PDZRN4: variants seen among roughly 807,000 people sequenced by gnomAD.
PDZRN4 encodes the protein PDZ domain containing ring finger 4.
Under a neutral mutation model 99.0 loss-of-function variants are expected in PDZRN4, and 70 were observed. That is an observed-to-expected ratio of 0.71 (90% CI 0.58 to 0.86). The LOEUF is 0.86. Ranked by LOEUF, PDZRN4 falls within the 40% of genes least tolerant of loss-of-function variation. The probability of loss-of-function intolerance (pLI) is 0.00; values close to 1 mark genes in which losing one functional copy is unlikely to be tolerated. For synonymous variants in PDZRN4, 551 were observed against 501.6 expected, an observed-to-expected ratio of 1.10 and a Z score of -1.32; for missense variants, 1,474 against 1,331.2, an observed-to-expected ratio of 1.11 and a Z score of -1.67.
At chr12:41,397,862 T>C (rs1249647516) in intron 3 of PDZRN4, among the ~76,000 whole-genome samples, 1 of 152,100 alleles carries the variant, frequency 6.6e-6, no homozygotes, top group Admixed American at 6.6e-5. Context: ...TGTTATCCTA[T>C]CCTTTGAGGC....
intron 3 of PDZRN4, among the ~76,000 whole-genome samples, chr12:41,358,682 A>T (rs11180849): frequency 6.6e-6 from 1 of 152,094 alleles, no homozygotes; most frequent in Middle Eastern, 3.4e-3. Flanking sequence ...AAACTTGAAT[A>T]TATTTAACAA....
At chr12:41,300,431 A>T (rs1450926285) in intron 3 of PDZRN4, among the ~76,000 whole-genome samples, 1 of 152,018 alleles carries the variant, frequency 6.6e-6, no homozygotes, top group East Asian at 1.9e-4. Context: ...ACTCTTAATT[A>T]TATTTTGAGA....
chr12:41,464,089 C>T (rs1952900140), intron 3 of PDZRN4, among the ~76,000 whole-genome samples: 1 of 152,138 alleles, frequency 6.6e-6, no homozygotes, highest in African/African-American at 2.4e-5. Flanking sequence ...AATTCAGTTA[C>T]CTCCAGAAGT....
At chr12:41,464,806 T>C (rs920754696) in intron 3 of PDZRN4, among the ~76,000 whole-genome samples, 7 of 150,526 alleles carry the variant, frequency 4.7e-5, no homozygotes, top group Admixed American at 2.0e-4. Flanking sequence ...ATAAATGTTA[T>C]AGTGCCTGTT....
At chr12:41,351,690 A>G (rs1008438565) in intron 3 of PDZRN4, among the ~76,000 whole-genome samples, 3 of 152,048 alleles carry the variant, frequency 2.0e-5, no homozygotes, top group African/African-American at 7.2e-5. Context: ...GTCACCTCCC[A>G]CAAGGCCCCT....
At chr12:41,215,180 A>C (rs564053337) in intron 3 of PDZRN4, among the ~76,000 whole-genome samples, 1 of 152,142 alleles carries the variant, frequency 6.6e-6, no homozygotes, top group African/African-American at 2.4e-5. Flanking sequence ...TTAGGGATGC[A>C]TTTGTTTAAG....
Position 41,194,906 on chromosome 12 carries a change from T to C in PDZRN4, c.843+718T>C, listed in dbSNP as rs149170843. Among the ~76,000 whole-genome samples the C allele has an allele frequency of 8.5e-5, 13 of 152,340 alleles. 1 individual carries two copies. In the East Asian group the frequency reaches 1.9e-3, roughly 23 times the overall value. ...TATTTTAAATTTGTAATTAATATTT[T>C]ATATGTAGAGTTTGGAATAAATTAT... On this transcript the variant is annotated intron_variant, in intron 3 of 9. Coordinates refer to ENST00000402685, the MANE Select transcript of PDZRN4 (RefSeq NM_001164595.2).
At chr12:41,420,424 C>G (rs747170200) in intron 3 of PDZRN4, among the ~76,000 whole-genome samples, 1 of 152,094 alleles carries the variant, frequency 6.6e-6, no homozygotes, top group Non-Finnish European at 1.5e-5. Flanking sequence ...TTACAAACTT[C>G]TTGAAAGACT....
chr12:41,546,154 G>A (rs926380092), intron 5 of PDZRN4, among the ~76,000 whole-genome samples: 4 of 152,190 alleles, frequency 2.6e-5, no homozygotes, highest in South Asian at 2.1e-4. Context: ...CACTATGGTC[G>A]TCATGGTGTG....
chr12:41,424,724 G>GTGGGT (rs1952520893), intron 3 of PDZRN4, among the ~76,000 whole-genome samples: 2 of 152,182 alleles, frequency 1.3e-5, no homozygotes, highest in African/African-American at 2.4e-5. Flanking sequence ...TTATGTGCAA[G>GTGGGT]TCAGGAAGCT....
At chr12:41,317,416 AGGAT>A (rs1225156955) in intron 3 of PDZRN4, among the ~76,000 whole-genome samples, 1 of 152,034 alleles carries the variant, frequency 6.6e-6, no homozygotes, top group African/African-American at 2.4e-5. Flanking sequence ...GTCCACCCAC[AGGAT>A]GGAGAATAAT....
At chr12:41,296,771 G>A (rs971772903) in intron 3 of PDZRN4, among the ~76,000 whole-genome samples, 1 of 152,064 alleles carries the variant, frequency 6.6e-6, no homozygotes, top group Non-Finnish European at 1.5e-5. Flanking sequence ...ACCAGCCTGG[G>A]CAACATGGCA....
At chr12:41,521,629 A>G (rs1938494649) in intron 5 of PDZRN4, among the ~76,000 whole-genome samples, 1 of 152,136 alleles carries the variant, frequency 6.6e-6, no homozygotes, top group Admixed American at 6.5e-5. Flanking sequence ...GACAGAGGAA[A>G]CTGAAGCCTG....
At chr12:41,275,420 C>A (rs1163503147) in intron 3 of PDZRN4, among the ~76,000 whole-genome samples, 1 of 152,084 alleles carries the variant, frequency 6.6e-6, no homozygotes, top group African/African-American at 2.4e-5. Context: ...GCCAAAAATT[C>A]AATCTTTCAG....
chr12:41,457,447 T>C (rs1274722322), intron 3 of PDZRN4, among the ~76,000 whole-genome samples: 6 of 152,238 alleles, frequency 3.9e-5, no homozygotes, highest in South Asian at 2.1e-4. Context: ...GACGATTTTC[T>C]TTTAGATTTT....
At chr12:41,387,962 T>C (rs1250806513) in intron 3 of PDZRN4, among the ~76,000 whole-genome samples, 3 of 152,108 alleles carry the variant, frequency 2.0e-5, no homozygotes, top group East Asian at 1.9e-4. Flanking sequence ...CTCTATTATA[T>C]AGATGCATGC....
At chr12:41,554,722 T>C (rs1301502054) in intron 6 of PDZRN4, among the ~76,000 whole-genome samples, 1 of 152,148 alleles carries the variant, frequency 6.6e-6, no homozygotes, top group Non-Finnish European at 1.5e-5. Context: ...GCCTTAAATA[T>C]CTATACATTC....
intron 5 of PDZRN4, among the ~76,000 whole-genome samples, chr12:41,542,175 G>A (rs2733283): frequency 0.98 from 148,790 of 152,312 alleles, 72,694 homozygotes; most frequent in East Asian, 1. Context: ...CTCTTTTGAA[G>A]AGCTATTTTC....
intron 5 of PDZRN4, among the ~76,000 whole-genome samples, chr12:41,512,513 G>A (rs1261905093): frequency 6.6e-6 from 1 of 152,058 alleles, no homozygotes; most frequent in African/African-American, 2.4e-5. Flanking sequence ...GCATGCTGGG[G>A]TGTACAAGGA....
Sources: allele counts gnomAD v4.1 joint callset (sites outside exome capture counted in the v4.1 genomes callset), GRCh38; gene constraint gnomAD v4.1.1; transcripts MANE v1.5; gene names NCBI Gene and HGNC (gene_info 2026-07-23, HGNC 2026-07-21).